The following BBX variants were observed in gnomAD, a reference collection of about 807,000 sequenced individuals.
BBX encodes BBX high mobility group box domain containing.
In BBX, 30 loss-of-function variants were observed where a neutral mutation model predicts 100.2. The observed-to-expected ratio is 0.30, with a 90% CI of 0.22 to 0.41. The LOEUF is 0.41. Ranked by LOEUF, BBX falls within the 10% of genes least tolerant of loss-of-function variation. The probability of loss-of-function intolerance (pLI) is 1.00; values close to 1 mark genes in which losing one functional copy is unlikely to be tolerated. For synonymous variants in BBX, 376 were observed against 388.1 expected (o/e 0.97, Z 0.37); for missense variants, 1,023 against 1,129.8 (o/e 0.91, Z 1.35).
intron 2 of BBX, among the ~76,000 whole-genome samples, chr3:107,532,838 A>G (rs1381683771): frequency 6.6e-6 from 1 of 152,224 alleles, no homozygotes; most frequent in East Asian, 1.9e-4. Flanking sequence ...CCACTTTGCT[A>G]AATTTTAATT....
intron 2 of BBX, among the ~76,000 whole-genome samples, chr3:107,544,761 T>G (rs570087933): frequency 6.6e-6 from 1 of 151,084 alleles, no homozygotes; most frequent in Admixed American, 6.6e-5. Flanking sequence ...GTCCCAGCAC[T>G]TTGGGCGGCC....
At chr3:107,587,527 TG>T (rs1255502056) in intron 2 of BBX, among the ~76,000 whole-genome samples, 6 of 152,192 alleles carry the variant, frequency 3.9e-5, no homozygotes, top group Admixed American at 6.5e-5. Flanking sequence ...TGCTGGCTAC[TG>T]TTAGTTATTA....
intron 3 of BBX, among the ~76,000 whole-genome samples, chr3:107,647,325 A>T (rs1025613269): frequency 3.9e-5 from 6 of 152,216 alleles, no homozygotes; most frequent in African/African-American, 1.4e-4. Context: ...CAAAAAGCAA[A>T]GCCGGACACT....
At chr3:107,660,426 C>CT (rs2058383710) in intron 3 of BBX, among the ~76,000 whole-genome samples, 2 of 145,406 alleles carry the variant, frequency 1.4e-5, no homozygotes, top group South Asian at 4.4e-4. Flanking sequence ...TTGACCAGTA[C>CT]TTTTTGTTCA....
At chr3:107,634,150 ATATAAAC>A (rs1392771579) in intron 2 of BBX, among the ~76,000 whole-genome samples, 1 of 152,216 alleles carries the variant, frequency 6.6e-6, no homozygotes, top group Non-Finnish European at 1.5e-5. Flanking sequence ...CCTTTCAGTT[ATATAAAC>A]AGATAAAGAT....
At chr3:107,735,556 C>T (rs2063579218) in intron 7 of BBX, among the ~76,000 whole-genome samples, 1 of 151,770 alleles carries the variant, frequency 6.6e-6, no homozygotes. Context: ...TGAGACCTAA[C>T]CATATAGAAA....
chr3:107,801,400 G>A (rs2070456422), intron 17 of BBX, 119 bp downstream of exon 17: 2 of 1,018,804 alleles, frequency 2.0e-6, no homozygotes, highest in East Asian at 5.2e-5. Context: ...AGCACTATTG[G>A]TTATATGAGG....
At chr3:107,688,174 C>A (rs1003357676) in intron 3 of BBX, among the ~76,000 whole-genome samples, 4 of 152,224 alleles carry the variant, frequency 2.6e-5, no homozygotes, top group African/African-American at 9.6e-5. Context: ...GTTCTCTCTT[C>A]AGCATTACTT....
At chr3:107,595,604 T>A (rs2053620095) in intron 2 of BBX, among the ~76,000 whole-genome samples, 1 of 152,208 alleles carries the variant, frequency 6.6e-6, no homozygotes, top group Non-Finnish European at 1.5e-5. Flanking sequence ...AAATGAATGA[T>A]GATCAGAGAT....
chr3:107,736,795 C>A (rs2063661555), intron 7 of BBX, among the ~76,000 whole-genome samples: 1 of 151,986 alleles, frequency 6.6e-6, no homozygotes, highest in Admixed American at 6.6e-5. Flanking sequence ...AGTATCAGAC[C>A]TAAGTGAGCA....
At chr3:107,759,756 C>A (rs1013667746) in intron 10 of BBX, among the ~76,000 whole-genome samples, 3 of 152,248 alleles carry the variant, frequency 2.0e-5, no homozygotes, top group Non-Finnish European at 2.9e-5. Flanking sequence ...AACCTGTAAA[C>A]CTTCTTCTAA....
intron 4 of BBX, among the ~76,000 whole-genome samples, chr3:107,715,261 A>G (rs947743266): frequency 2.6e-5 from 4 of 152,166 alleles, no homozygotes; most frequent in African/African-American, 9.7e-5. Context: ...TTAGAGATAC[A>G]AATTCTCAGG....
At chr3:107,679,578 G>A (rs1338253220) in intron 3 of BBX, among the ~76,000 whole-genome samples, 2 of 152,178 alleles carry the variant, frequency 1.3e-5, no homozygotes, top group East Asian at 1.9e-4. Flanking sequence ...AAGACATAGT[G>A]TGTGGCTAGC....
In BBX at chr3:107,774,237, A is replaced by G. The variant is rs751763930; in HGVS notation, c.1916-482A>G. Among the ~76,000 whole-genome samples the G allele has an allele frequency of 2.0e-5, 3 of 152,190 alleles. No homozygotes were observed. In the East Asian group the frequency reaches 5.8e-4, roughly 29 times the overall value. ...ATTGAGTGTTTTATATAAATTCTCTATTTTAAAATATAGCATCTGCCTGGA... is the reference window on the plus strand; with the variant it reads ...ATTGAGTGTTTTATATAAATTCTCTGTTTTAAAATATAGCATCTGCCTGGA... On this transcript the variant is annotated intron_variant, in intron 11 of 17. Coordinates refer to ENST00000325805, the MANE Select transcript of BBX (RefSeq NM_001142568.3).
At chr3:107,624,151 C>T (rs1414310471) in intron 2 of BBX, among the ~76,000 whole-genome samples, 2 of 152,102 alleles carry the variant, frequency 1.3e-5, no homozygotes, top group South Asian at 4.1e-4. Context: ...CCTTCCTTAC[C>T]TCTGCACCTC....
chr3:107,604,379 C>T (rs2054281041), intron 2 of BBX, among the ~76,000 whole-genome samples: 2 of 152,110 alleles, frequency 1.3e-5, no homozygotes, highest in Non-Finnish European at 2.9e-5. Flanking sequence ...CCTAAATAGT[C>T]CTAGTTCCTG....
chr3:107,719,031 T>C (rs1483090190), intron 5 of BBX, among the ~76,000 whole-genome samples: 1 of 152,048 alleles, frequency 6.6e-6, no homozygotes, highest in Non-Finnish European at 1.5e-5. Flanking sequence ...GCTGGTGCTT[T>C]TTGTGTTAAT....
intron 2 of BBX, among the ~76,000 whole-genome samples, chr3:107,561,887 C>T (rs2050527156): frequency 6.6e-6 from 1 of 152,068 alleles, no homozygotes; most frequent in African/African-American, 2.4e-5. Context: ...ATTTCTTTTT[C>T]AGTTTAATTC....
chr3:107,698,941 C>A (rs1305410085), intron 3 of BBX, among the ~76,000 whole-genome samples: 1 of 151,472 alleles, frequency 6.6e-6, no homozygotes, highest in Non-Finnish European at 1.5e-5. Flanking sequence ...ATGGCAAGGA[C>A]GGATTAGAAA....
Sources: gnomAD v4.1 joint callset for allele counts (sites outside exome capture counted in the v4.1 genomes callset) on GRCh38, gnomAD v4.1.1 for gene constraint, MANE v1.5 for transcripts, NCBI Gene and HGNC (gene_info 2026-07-23, HGNC 2026-07-21) for gene names.